Variants in LRPPRC observed in about 807,000 individuals in gnomAD.
LRPPRC encodes leucine-rich PPR motif-containing protein, mitochondrial.
Under a neutral mutation model 180.3 loss-of-function variants are expected in LRPPRC, and 120 were observed. That is an observed-to-expected ratio of 0.67 (90% CI 0.57 to 0.77). The LOEUF is 0.77. Among genes scored for constraint, LRPPRC ranks in the 30% least tolerant of loss-of-function variants. The probability of loss-of-function intolerance (pLI) is 0.00; values close to 1 mark genes in which losing one functional copy is unlikely to be tolerated. For missense variants in LRPPRC, 2,012 were observed against 1,657.2 expected, an observed-to-expected ratio of 1.21 and a Z score of -3.72; for synonymous variants, 723 against 600.0, an observed-to-expected ratio of 1.21 and a Z score of -3.00.
intron 29 of LRPPRC, among the ~76,000 whole-genome samples, chr2:43,917,745 C>A (rs1228313619): frequency 7.9e-5 from 12 of 151,968 alleles, no homozygotes; most frequent in Admixed American, 7.9e-4. Context: ...GCTGAGATCA[C>A]GCTACTACAC....
chr2:43,896,547 G>A, intron 35 of LRPPRC, 87 bp downstream of exon 35: 2 of 898,264 alleles, frequency 2.2e-6, no homozygotes, highest in South Asian at 1.4e-5. Flanking sequence ...ATAAGGTCCT[G>A]AAACAACAGG....
At position 43,984,905 on chromosome 2, in the gene LRPPRC, T is replaced by G. The variant is rs1305366460; in HGVS notation, c.150-2471A>C. Among the ~76,000 whole-genome samples the G allele has an allele frequency of 5.9e-5, 9 of 152,302 alleles. No homozygotes were observed. In the East Asian group the frequency reaches 1.7e-3, roughly 29 times the overall value. ...TAAATGTCTCAGGTTCCTTCCAGAC[T>G]CCAGCTCCTACCACTAATACTCAAA... On this transcript the variant is annotated intron_variant, in intron 1 of 37. Coordinates refer to ENST00000260665, the MANE Select transcript of LRPPRC (RefSeq NM_133259.4).
rs141514496 is a variant in LRPPRC at position 43,920,934 on chromosome 2, C to T, written c.2897-2536G>A. On this transcript the variant is annotated intron_variant, in intron 27 of 37. Coordinates refer to ENST00000260665, the MANE Select transcript of LRPPRC (RefSeq NM_133259.4). Reference sequence around the variant, plus strand: ...CATAATTTTCTTTGTTTAAAAAAAGCACAAATTATACAAAAAGCTTCTACT... The same window carrying T: ...CATAATTTTCTTTGTTTAAAAAAAGTACAAATTATACAAAAAGCTTCTACT... Among the ~76,000 whole-genome samples the T allele has an allele frequency of 4.5e-3, 685 of 152,218 alleles. 4 individuals are homozygous for T. The highest frequency in any genetic ancestry group is 7.6e-3 in the Non-Finnish European group (517 of 67,996).
At chr2:43,967,095 A>G (rs148548685) in intron 11 of LRPPRC, among the ~76,000 whole-genome samples, 65 of 151,986 alleles carry the variant, frequency 4.3e-4, no homozygotes, top group Middle Eastern at 3.4e-3. Context: ...TGACTTCACA[A>G]TGTGTACACA....
intron 1 of LRPPRC, among the ~76,000 whole-genome samples, chr2:43,990,795 G>C (rs977953730): frequency 2.0e-5 from 3 of 151,568 alleles, no homozygotes; most frequent in African/African-American, 7.3e-5. Context: ...TCACAGAGCA[G>C]AGGCCGAATG....
chr2:43,938,556 C>T (rs1672355693), intron 23 of LRPPRC, among the ~76,000 whole-genome samples: 1 of 152,156 alleles, frequency 6.6e-6, no homozygotes, highest in Admixed American at 6.5e-5. Flanking sequence ...AGAGCTACTA[C>T]AAACTACAAT....
At chr2:43,982,097 G>T (rs1363283373) in intron 2 of LRPPRC, 141 bp downstream of exon 2, 3 of 554,570 alleles carry the variant, frequency 5.4e-6, no homozygotes, top group Non-Finnish European at 9.5e-6. Flanking sequence ...TAGTAGAAAT[G>T]GGGTTTTGCC....
Position 43,934,240 on chromosome 2 carries a change from A to G in LRPPRC, c.2686T>C (p.Phe896Leu), listed in dbSNP as rs1672191085. ...TAATTTCCTGTTTGTAGGAAGGCAAAGAAGAGATCATAGAGCATCACCATT... is the reference window on the plus strand; with the variant it reads ...TAATTTCCTGTTTGTAGGAAGGCAAGGAAGAGATCATAGAGCATCACCATT... ...GEMVMLYDLF[F>L]AFLQTGNYKE... The change falls in exon 25 of 38, where the codon TTT becomes CTT. Residue 896 changes from phenylalanine (F) to leucine (L), a missense_variant. Phe to Leu is a conservative substitution (Grantham distance 22, BLOSUM62 0). Coordinates refer to ENST00000260665, the MANE Select transcript of LRPPRC (RefSeq NM_133259.4). 3 of 1,612,774 alleles carry G rather than the reference A, an allele frequency of 1.9e-6. No homozygotes were observed. The highest frequency in any genetic ancestry group is 2.5e-6 in the Non-Finnish European group (3 of 1,179,030).
At chr2:43,940,981 CAT>C (rs1431031831) in intron 23 of LRPPRC, among the ~76,000 whole-genome samples, 2 of 152,062 alleles carry the variant, frequency 1.3e-5, no homozygotes, top group Non-Finnish European at 2.9e-5. Context: ...GTAAATGAAA[CAT>C]AAAAATTTTG....
At chr2:43,977,971 G>A (rs140047521) in intron 3 of LRPPRC, among the ~76,000 whole-genome samples, 1 of 152,208 alleles carries the variant, frequency 6.6e-6, no homozygotes, top group East Asian at 1.9e-4. Context: ...CAGGCCTATG[G>A]TTAGTATCTG....
In LRPPRC at chr2:43,945,317, T is replaced by G; in HGVS notation, c.2296+15A>C. ...ATACTTGCATCACATATTTCCTTTA[T>G]GTGCTGAGGCTTACCTTGGAGCTTG... On this transcript the variant is annotated intron_variant, in intron 22 of 37. Coordinates refer to ENST00000260665, the MANE Select transcript of LRPPRC (RefSeq NM_133259.4). 5 of 1,570,086 alleles carry G rather than the reference T, an allele frequency of 3.2e-6. No individual in the cohort carries two copies. The highest frequency in any genetic ancestry group is 4.4e-6 in the Non-Finnish European group (5 of 1,140,136).
At chr2:43,902,777 T>A (rs563359969) in intron 31 of LRPPRC, 1 of 152,334 alleles carries the variant, frequency 6.6e-6, no homozygotes, top group Non-Finnish European at 1.5e-5. Context: ...ATAATTATAA[T>A]AATAGTCTTA....
At chr2:43,971,200 T>C (rs1461053072) in intron 11 of LRPPRC, among the ~76,000 whole-genome samples, 1 of 152,014 alleles carries the variant, frequency 6.6e-6, no homozygotes, top group Non-Finnish European at 1.5e-5. Context: ...CCCTTTCACA[T>C]TCTCATTTCT....
chr2:43,924,311 A>G (rs1671799370), intron 27 of LRPPRC, among the ~76,000 whole-genome samples: 1 of 152,218 alleles, frequency 6.6e-6, no homozygotes. Flanking sequence ...CCAAATGTGT[A>G]CACTAGTATA....
Position 43,974,153 on chromosome 2 carries a change from A to T in LRPPRC, c.1152T>A (p.Asn384Lys). 5.0e-6 allele frequency: 8 copies of T among 1,613,344 alleles called. No homozygotes were observed. Among genetic ancestry groups the T allele is most frequent in the Non-Finnish European group, 6.8e-6 (8 of 1,179,254 alleles). The stretch of plus-strand genomic sequence containing the variant: ...AAAGTAAAAGTGGACAGAATACCGT[A>T]TTCATAGTCACACAGTGTTGTAAAA... The part of the protein sequence containing the change: ...SFFLQHCVTM[N>K]TPVEKLTDYC... Residue 384 changes from asparagine (N) to lysine (K), a missense_variant, in exon 9 of 38, where the codon AAT (asparagine) becomes AAA (lysine). Physicochemically the swap from Asn to Lys is moderately conservative, Grantham distance 94. Coordinates refer to ENST00000260665, the MANE Select transcript of LRPPRC (RefSeq NM_133259.4).
chr2:43,986,502 C>T (rs1674532736), intron 1 of LRPPRC, among the ~76,000 whole-genome samples: 1 of 152,094 alleles, frequency 6.6e-6, no homozygotes, highest in African/African-American at 2.4e-5. Context: ...TTTAGTGTCA[C>T]TTTAGAGCTA....
chr2:43,980,962 A>C (rs1225707832), intron 2 of LRPPRC, among the ~76,000 whole-genome samples: 1 of 152,212 alleles, frequency 6.6e-6, no homozygotes, highest in Non-Finnish European at 1.5e-5. Flanking sequence ...AAATGTACAT[A>C]ACTATAGTAA....
chr2:43,895,419 G>GA (rs1289201409), intron 35 of LRPPRC, among the ~76,000 whole-genome samples: 2 of 152,152 alleles, frequency 1.3e-5, no homozygotes, highest in African/African-American at 2.4e-5. Flanking sequence ...TCCTGGGTGG[G>GA]ATGTTCTAAG....
At chr2:43,959,100 T>C (rs377649939) in intron 13 of LRPPRC, 122 of 648,660 alleles carry the variant, frequency 1.9e-4, no homozygotes, top group African/African-American at 1.6e-3. Flanking sequence ...AATCAAGAGG[T>C]TGACAACGAA....
Sources: allele counts gnomAD v4.1 joint callset (sites outside exome capture counted in the v4.1 genomes callset), GRCh38; gene constraint gnomAD v4.1.1; transcripts MANE v1.5; gene names NCBI Gene and HGNC (gene_info 2026-07-23, HGNC 2026-07-21).